The following TMEM131L variants were observed in gnomAD, a reference collection of about 807,000 sequenced individuals.
The protein encoded by TMEM131L is transmembrane 131 like, also known as transmembrane protein 131-like.
Under a neutral mutation model 192.2 loss-of-function variants are expected in TMEM131L, and 54 were observed. The observed-to-expected ratio is 0.28, with a 90% confidence interval of 0.23 to 0.35. The LOEUF (loss-of-function observed/expected upper bound fraction) is 0.35. Ranked by LOEUF, TMEM131L falls within the 10% of genes least tolerant of loss-of-function variation. The pLI is 1.00. For missense variants in TMEM131L, 1,888 were observed against 1,972.9 expected (o/e 0.96, Z 0.82); for synonymous variants, 701 against 704.9 (o/e 0.99, Z 0.09).
chr4:153,586,477 C>G, intron 14 of TMEM131L, 98 bp downstream of exon 14: 1 of 858,310 alleles, frequency 1.2e-6, no homozygotes, highest in Non-Finnish European at 1.7e-6. Flanking sequence ...GGGTTAAGCT[C>G]ACGTTCTTTA....
intron 3 of TMEM131L, among the ~76,000 whole-genome samples, chr4:153,488,557 C>T (rs1311246383): frequency 6.6e-6 from 1 of 152,216 alleles, no homozygotes; most frequent in Non-Finnish European, 1.5e-5. Flanking sequence ...CCTCCCCAGC[C>T]ACACAGCAAC....
chr4:153,578,002 A>C (rs187856830), intron 7 of TMEM131L, among the ~76,000 whole-genome samples: 4 of 152,308 alleles, frequency 2.6e-5, no homozygotes, highest in Non-Finnish European at 5.9e-5. Context: ...CATAGGCAGC[A>C]TCCAGCATAA....
At chr4:153,528,782 G>A (rs1735680816) in intron 3 of TMEM131L, among the ~76,000 whole-genome samples, 1 of 152,162 alleles carries the variant, frequency 6.6e-6, no homozygotes, top group Non-Finnish European at 1.5e-5. Context: ...GATTTGGTTG[G>A]GGGTGGGGGA....
intron 3 of TMEM131L, among the ~76,000 whole-genome samples, chr4:153,520,071 CA>C (rs1354907957): frequency 6.6e-6 from 1 of 152,088 alleles, no homozygotes; most frequent in African/African-American, 2.4e-5. Flanking sequence ...CTTTGGGGGT[CA>C]GGGGATCTCT....
At chr4:153,480,265 G>A (rs1048630212) in intron 3 of TMEM131L, among the ~76,000 whole-genome samples, 15 of 152,304 alleles carry the variant, frequency 9.8e-5, no homozygotes, top group African/African-American at 3.4e-4. Context: ...CATGAACCCG[G>A]GAGTCGGAGC....
chr4:153,531,934 C>T (rs1258140858), intron 3 of TMEM131L, among the ~76,000 whole-genome samples: 2 of 152,314 alleles, frequency 1.3e-5, no homozygotes, highest in Non-Finnish European at 1.5e-5. Flanking sequence ...TGATTTCTGC[C>T]CTTCTCTTCA....
chr4:153,561,520 C>T (rs1728845295), intron 7 of TMEM131L, among the ~76,000 whole-genome samples: 1 of 152,188 alleles, frequency 6.6e-6, no homozygotes, highest in South Asian at 2.1e-4. Context: ...ATGACCCATC[C>T]TCACTTTAAG....
chr4:153,482,664 G>C (rs573461110), intron 3 of TMEM131L, among the ~76,000 whole-genome samples: 9 of 152,242 alleles, frequency 5.9e-5, no homozygotes, highest in Non-Finnish European at 1.2e-4. Context: ...CTGTCATAGT[G>C]AACTGCAGCC....
intron 7 of TMEM131L, among the ~76,000 whole-genome samples, chr4:153,573,090 T>C (rs545940088): frequency 6.6e-6 from 1 of 152,364 alleles, no homozygotes; most frequent in South Asian, 2.1e-4. Context: ...ATATATCATG[T>C]TTTGTTTATC....
intron 3 of TMEM131L, among the ~76,000 whole-genome samples, chr4:153,536,170 A>T (rs111747837): frequency 0.017 from 2,651 of 152,246 alleles, 84 homozygotes; most frequent in African/African-American, 0.06. Context: ...CAGGAGCAAG[A>T]CTGGGGCAGA....
At chr4:153,626,094 A>G (rs1175645159) in intron 29 of TMEM131L, 53 bp from the exon 30 acceptor site, 2 of 1,110,468 alleles carry the variant, frequency 1.8e-6, no homozygotes, top group Admixed American at 1.8e-5. Flanking sequence ...TACCGAATAT[A>G]CAGTTGAAGT....
intron 29 of TMEM131L, among the ~76,000 whole-genome samples, chr4:153,623,666 T>C (rs1303180295): frequency 3.3e-5 from 5 of 152,216 alleles, no homozygotes; most frequent in Non-Finnish European, 7.3e-5. Flanking sequence ...TTCAAAAACA[T>C]TGTAGCATGT....
chr4:153,505,353 G>A (rs1284107472), intron 3 of TMEM131L, among the ~76,000 whole-genome samples: 2 of 151,878 alleles, frequency 1.3e-5, no homozygotes, highest in African/African-American at 2.4e-5. Context: ...TGATCCACCC[G>A]CTTCAACCTC....
intron 3 of TMEM131L, among the ~76,000 whole-genome samples, chr4:153,506,843 C>CA (rs369133768): frequency 0.024 from 2,144 of 87,892 alleles, 34 homozygotes; most frequent in African/African-American, 0.043. Flanking sequence ...ACTCTGTATC[C>CA]AAAAAAAAAA....
chr4:153,555,809 A>G lies in TMEM131L; in HGVS notation c.331A>G (p.Lys111Glu). Residue 111 changes from lysine (K) to glutamate (E), a missense_variant, in exon 5 of 35, where the codon AAG becomes GAG. Physicochemically the swap from Lys to Glu is moderately conservative, Grantham distance 56. Coordinates refer to ENST00000409959, the MANE Select transcript of TMEM131L (RefSeq NM_001131007.2). This position sits in a 1 kb window ranked among gnomAD's most constrained non-coding sequence, Gnocchi z 4.1. Reference protein sequence around the residue: ...GIQFLGHPVAKILHAYNPSRD... With the variant: ...GIQFLGHPVAEILHAYNPSRD... ...TAGGTTCCTGGGACATCCTGTAGCA[A>G]AGATTCTCCATGCTTACAACCCTAG... 1.3e-6 allele frequency: 2 copies of G among 1,551,576 alleles called. No individual in the cohort carries two copies. The highest frequency in any genetic ancestry group is 1.7e-6 in the Non-Finnish European group (2 of 1,146,756).
intron 1 of TMEM131L, 86 bp from the exon 2 acceptor site, chr4:153,467,125 G>T (rs147281151): frequency 2.3e-6 from 3 of 1,296,398 alleles, no homozygotes; most frequent in Middle Eastern, 1.8e-4. Flanking sequence ...TGGTGAGGCG[G>T]GGGGCACGGA....
intron 3 of TMEM131L, among the ~76,000 whole-genome samples, chr4:153,496,387 C>T (rs915450661): frequency 6.6e-6 from 1 of 152,154 alleles, no homozygotes; most frequent in African/African-American, 2.4e-5. Flanking sequence ...GTTGCTTTTC[C>T]AGGACCACCC....
At chr4:153,521,300 G>C (rs1005951590) in intron 3 of TMEM131L, among the ~76,000 whole-genome samples, 5 of 152,158 alleles carry the variant, frequency 3.3e-5, no homozygotes, top group Non-Finnish European at 7.3e-5. Context: ...TATTGCTCCA[G>C]GGAAAAGTCT....
At chr4:153,475,512 G>T (rs1004007973) in intron 3 of TMEM131L, among the ~76,000 whole-genome samples, 2 of 152,150 alleles carry the variant, frequency 1.3e-5, no homozygotes, top group African/African-American at 4.8e-5. Context: ...GGGGAAAATA[G>T]CTCTGTTCAT....
Sources: allele counts gnomAD v4.1 joint callset (sites outside exome capture counted in the v4.1 genomes callset), GRCh38; gene constraint gnomAD v4.1.1; non-coding constraint Gnocchi (gnomAD v3.1); transcripts MANE v1.5; gene names NCBI Gene and HGNC (gene_info 2026-07-23, HGNC 2026-07-21).